PRORP: variants seen among roughly 807,000 people sequenced by gnomAD.
PRORP encodes mitochondrial ribonuclease P catalytic subunit.
In PRORP, 51 loss-of-function variants were observed where a neutral mutation model predicts 59.4. That is an observed-to-expected ratio of 0.86 (90% CI 0.69 to 1.08). The LOEUF (loss-of-function observed/expected upper bound fraction) is 1.08, where lower values mean the gene tolerates loss of function less well. Among genes scored for constraint, PRORP ranks in the 50% least tolerant of loss-of-function variants. The probability of loss-of-function intolerance (pLI) is 0.00; values close to 1 mark genes in which losing one functional copy is unlikely to be tolerated. For synonymous variants in PRORP, 231 were observed against 245.6 expected (o/e 0.94, Z 0.55); for missense variants, 646 against 690.3 (o/e 0.94, Z 0.72).
chr14:35,211,686 TA>T (rs913634275), intron 5 of PRORP, among the ~76,000 whole-genome samples: 1 of 152,236 alleles, frequency 6.6e-6, no homozygotes, highest in Admixed American at 6.5e-5. Flanking sequence ...ACTTTATTGC[TA>T]AAAAATGCTT....
In PRORP at chr14:35,213,779, C is replaced by A. The variant is rs76503645; in HGVS notation, c.1275+33002C>A. ...TTACGTGAGTGTGGTTCATGGCACCCCAAAACAATTACAGTAGTAACATCC... is the reference window on the plus strand; with the variant it reads ...TTACGTGAGTGTGGTTCATGGCACCACAAAACAATTACAGTAGTAACATCC... On this transcript the variant is annotated intron_variant, in intron 5 of 7. Transcript: ENST00000534898. 2.8e-4 allele frequency among the ~76,000 whole-genome samples: 42 copies of A among 152,044 alleles called. 1 individual carries two copies. The East Asian group carries it at 8.1e-3, about 29-fold the overall frequency.
intron 5 of PRORP, among the ~76,000 whole-genome samples, chr14:35,194,664 C>T (rs2048965947): frequency 6.6e-6 from 1 of 152,028 alleles, no homozygotes; most frequent in Admixed American, 6.6e-5. Flanking sequence ...CACGTGTATC[C>T]CAGAACTTAA....
Position 35,182,586 on chromosome 14 carries a change from A to G in PRORP, c.1275+1809A>G, listed in dbSNP as rs186075087. Among the ~76,000 whole-genome samples, 755 of 152,344 alleles carry G rather than the reference A, an allele frequency of 5.0e-3. 8 individuals carry two copies. Among genetic ancestry groups the G allele is most frequent in the African/African-American group, 0.017 (721 of 41,578 alleles). ...CTTGAACCCGGGAGGTGGAGGTTGC[A>G]GTGAGCTGAGATCTTGCCATTGCAC... is the stretch of plus-strand genomic sequence containing the variant. On this transcript the variant is annotated intron_variant, in intron 5 of 7. Coordinates refer to ENST00000534898, the MANE Select transcript of PRORP (RefSeq NM_014672.4).
intron 5 of PRORP, among the ~76,000 whole-genome samples, chr14:35,239,230 T>C (rs1329355601): frequency 2.0e-5 from 3 of 151,650 alleles, no homozygotes; most frequent in African/African-American, 7.3e-5. Context: ...TGGTGGCAGG[T>C]GCCTGTAATC....
chr14:35,188,064 G>A (rs1376658653), intron 5 of PRORP, among the ~76,000 whole-genome samples: 1 of 151,560 alleles, frequency 6.6e-6, no homozygotes, highest in Non-Finnish European at 1.5e-5. Context: ...TGTTCAGGCT[G>A]GTCTTGAACA....
At chr14:35,206,186 C>A (rs1051279524) in intron 5 of PRORP, among the ~76,000 whole-genome samples, 22 of 152,226 alleles carry the variant, frequency 1.4e-4, no homozygotes, top group African/African-American at 4.8e-4. Flanking sequence ...TGATAGAGTG[C>A]TGCTTATGAC....
intron 5 of PRORP, chr14:35,262,428 A>G (rs1456163206): frequency 2.8e-5 from 11 of 390,704 alleles, no homozygotes; most frequent in Non-Finnish European, 4.8e-6. Context: ...AAATACATAG[A>G]ATAACTTTCT....
chr14:35,162,706 G>T (rs1323608086), intron 4 of PRORP, among the ~76,000 whole-genome samples: 2 of 151,292 alleles, frequency 1.3e-5, no homozygotes, highest in Non-Finnish European at 3.0e-5. Flanking sequence ...GATTTTTTCT[G>T]TTGCAAGGTT....
intron 4 of PRORP, among the ~76,000 whole-genome samples, chr14:35,146,412 T>G (rs1474403992): frequency 6.6e-6 from 1 of 152,118 alleles, no homozygotes; most frequent in African/African-American, 2.4e-5. Flanking sequence ...AATGTCAGTA[T>G]AAGAACTTAT....
chr14:35,154,691 A>G (rs994559381), intron 4 of PRORP, among the ~76,000 whole-genome samples: 3 of 131,854 alleles, frequency 2.3e-5, no homozygotes, highest in African/African-American at 6.0e-5. Context: ...CTTCCAATAA[A>G]TGAATTGCCA....
At chr14:35,259,394 TCCATTCTGCCAG>T (rs2050841880) in intron 5 of PRORP, among the ~76,000 whole-genome samples, 1 of 152,190 alleles carries the variant, frequency 6.6e-6, no homozygotes, top group South Asian at 2.1e-4. Context: ...TGTTTTTTAA[TCCATTCTGCCAG>T]CCTCTGTCTT....
chr14:35,265,994 C>G (rs372774463), intron 5 of PRORP, among the ~76,000 whole-genome samples: 1 of 138,318 alleles, frequency 7.2e-6, no homozygotes, highest in Non-Finnish European at 1.5e-5. Flanking sequence ...TGGGCAGGAT[C>G]GTGAGATCCC....
intron 5 of PRORP, among the ~76,000 whole-genome samples, chr14:35,215,622 G>A (rs1420700158): frequency 3.9e-5 from 6 of 152,180 alleles, no homozygotes; most frequent in South Asian, 2.1e-4. Context: ...GAATGGTGGC[G>A]TCTGCCTATA....
At chr14:35,185,022 C>T (rs888501087) in intron 5 of PRORP, among the ~76,000 whole-genome samples, 31 of 152,138 alleles carry the variant, frequency 2.0e-4, no homozygotes, top group South Asian at 2.1e-4. Flanking sequence ...GATTTCTACT[C>T]ATCTGGGTAT....
At chr14:35,238,784 T>C (rs2050285580) in intron 5 of PRORP, among the ~76,000 whole-genome samples, 2 of 152,226 alleles carry the variant, frequency 1.3e-5, no homozygotes, top group South Asian at 2.1e-4. Flanking sequence ...AATACTCTTA[T>C]TAAAGCTGGA....
chr14:35,267,792 G>T (rs975403072), intron 6 of PRORP, among the ~76,000 whole-genome samples: 1 of 151,816 alleles, frequency 6.6e-6, no homozygotes, highest in Admixed American at 6.6e-5. Flanking sequence ...AAAAAAAAAG[G>T]AGCCCAAAGG....
At chr14:35,149,874 G>C (rs1387018626) in intron 4 of PRORP, among the ~76,000 whole-genome samples, 1 of 152,150 alleles carries the variant, frequency 6.6e-6, no homozygotes, top group Admixed American at 6.5e-5. Flanking sequence ...CGGGGAGACA[G>C]AGTCTCACTC....
At chr14:35,180,524 ATCTG>A (rs2048577584) in intron 4 of PRORP, 142 bp from the exon 5 acceptor site, 2 of 422,286 alleles carry the variant, frequency 4.7e-6, no homozygotes, top group South Asian at 3.7e-5. Flanking sequence ...TTTGTAGAGT[ATCTG>A]TGTGTGTGTG....
Position 35,274,190 on chromosome 14 carries a change from A to G in PRORP, c.*624A>G, listed in dbSNP as rs1385659005. The G allele has an allele frequency of 2.6e-5, 4 of 152,082 alleles. No homozygotes were observed. Among genetic ancestry groups the G allele is most frequent in the Admixed American group, 2.0e-4 (3 of 15,244 alleles). The allele number at this position is 152,082 out of a possible 1,614,324, so 9.4% of individuals were successfully genotyped here. A position where few individuals can be genotyped will look rare whatever the true frequency, so the allele number is the denominator to read the frequency against. On this transcript the variant is annotated 3_prime_UTR_variant, in exon 8 of 8. Coordinates refer to ENST00000534898, the MANE Select transcript of PRORP (RefSeq NM_014672.4). ...TAGAGTCTCAACTTACTCTGTCGCCAGGGCTGGAGTGCAGTGACGTGATCA... is the reference window on the plus strand; with the variant it reads ...TAGAGTCTCAACTTACTCTGTCGCCGGGGCTGGAGTGCAGTGACGTGATCA...
Sources: allele counts gnomAD v4.1 joint callset (sites outside exome capture counted in the v4.1 genomes callset), GRCh38; gene constraint gnomAD v4.1.1; transcripts MANE v1.5; gene names NCBI Gene and HGNC (gene_info 2026-07-23, HGNC 2026-07-21).